Variants in C12orf54 observed in about 807,000 individuals in gnomAD.
C12orf54 encodes the protein chromosome 12 open reading frame 54.
Under a neutral mutation model 26.4 loss-of-function variants are expected in C12orf54, and 24 were observed. The observed-to-expected ratio is 0.91, with a 90% CI of 0.66 to 1.28. The LOEUF is 1.28. C12orf54 is among the 50% of genes most tolerant of loss of function. C12orf54 has a pLI of 0.00. For synonymous variants in C12orf54, 54 were observed against 47.0 expected (o/e 1.15, Z -0.61); for missense variants, 154 against 150.9 (o/e 1.02, Z -0.11).
the C12orf54 span, chr12:48,442,357 C>T: frequency 6.5e-6 from 1 of 153,066 alleles, no homozygotes; most frequent in Admixed American, 6.5e-5. Flanking sequence ...TGGAGCAGAG[C>T]AGGGTGGTAA....
chr12:48,434,771 T>C, the C12orf54 span, among the ~76,000 whole-genome samples: 5 of 152,062 alleles, frequency 3.3e-5, no homozygotes, highest in South Asian at 1.0e-3. Context: ...TTCGTCACCA[T>C]CATCAAAGAC....
the C12orf54 span, among the ~76,000 whole-genome samples, chr12:48,462,932 G>C: frequency 6.6e-6 from 1 of 151,728 alleles, no homozygotes; most frequent in Non-Finnish European, 1.5e-5. Flanking sequence ...AAGCCTTCCA[G>C]ACTGGAAAGG....
At chr12:48,445,019 A>G in the C12orf54 span, among the ~76,000 whole-genome samples, 1 of 152,088 alleles carries the variant, frequency 6.6e-6, no homozygotes, top group Non-Finnish European at 1.5e-5. Flanking sequence ...AAAAATACAA[A>G]AATTAGCCAG....
chr12:48,441,782 A>G, the C12orf54 span, among the ~76,000 whole-genome samples: 1 of 152,160 alleles, frequency 6.6e-6, no homozygotes, highest in African/African-American at 2.4e-5. Context: ...TCTGACTAGG[A>G]CTGAACTGGT....
the C12orf54 span, chr12:48,472,881 AG>A: frequency 1.2e-6 from 2 of 1,614,192 alleles, no homozygotes; most frequent in Non-Finnish European, 1.7e-6. Flanking sequence ...TGAACTAAGC[AG>A]TAACAGAGCC....
chr12:48,445,500 G>T, the C12orf54 span, among the ~76,000 whole-genome samples: 51 of 152,240 alleles, frequency 3.3e-4, no homozygotes, highest in African/African-American at 1.1e-3. Context: ...CTGGGAGAGG[G>T]TTCTTTTTGA....
chr12:48,427,128 G>A, the C12orf54 span, among the ~76,000 whole-genome samples: 11 of 152,130 alleles, frequency 7.2e-5, no homozygotes, highest in African/African-American at 2.4e-4. Context: ...AATAGGAGTG[G>A]TGAGAGAGGG....
At chr12:48,480,591 CT>C, upstream of C12orf54, among the ~76,000 whole-genome samples, 1 of 152,282 alleles carries the variant, frequency 6.6e-6, no homozygotes, top group Non-Finnish European at 1.5e-5. Context: ...CAGATGCTGG[CT>C]TATACACTGC....
the C12orf54 span, among the ~76,000 whole-genome samples, chr12:48,456,571 C>A: frequency 1.3e-5 from 2 of 152,170 alleles, no homozygotes; most frequent in East Asian, 3.8e-4. Context: ...CAACTCTGCT[C>A]CTCGCCTGCC....
At chr12:48,447,234 G>GTGTGTA in the C12orf54 span, among the ~76,000 whole-genome samples, 1 of 152,008 alleles carries the variant, frequency 6.6e-6, no homozygotes, top group South Asian at 2.1e-4. Context: ...GTGTGTGTGT[G>GTGTGTA]TGTGTGTGTG....
chr12:48,445,036 T>C, the C12orf54 span, among the ~76,000 whole-genome samples: 6 of 152,224 alleles, frequency 3.9e-5, no homozygotes, highest in African/African-American at 1.4e-4. Flanking sequence ...CCAGGCGTGG[T>C]GGCTTGGGCC....
chr12:48,460,717 T>A, the C12orf54 span, among the ~76,000 whole-genome samples: 8 of 152,232 alleles, frequency 5.3e-5, no homozygotes, highest in South Asian at 1.7e-3. Context: ...AAAGTCTACT[T>A]GAAGGTAGAC....
At chr12:48,463,441 C>G in the C12orf54 span, among the ~76,000 whole-genome samples, 2 of 151,800 alleles carry the variant, frequency 1.3e-5, no homozygotes. Context: ...AATAGCCTAC[C>G]AACTTTAAAA....
intron 5 of C12orf54, 91 bp downstream of exon 5, chr12:48,489,047 G>T: frequency 8.1e-7 from 1 of 1,233,244 alleles, no homozygotes; most frequent in South Asian, 1.2e-5. Context: ...TGTTGCCTCT[G>T]ACCAAGGTTT....
At chr12:48,418,021 A>G in the C12orf54 span, among the ~76,000 whole-genome samples, 20 of 152,096 alleles carry the variant, frequency 1.3e-4, 1 homozygote, top group East Asian at 3.9e-3. Context: ...TCTTTGCTAG[A>G]AAAAAAAATT....
chr12:48,491,193 T>G (rs1460899895), intron 6 of C12orf54, among the ~76,000 whole-genome samples: 1 of 152,230 alleles, frequency 6.6e-6, no homozygotes, highest in Non-Finnish European at 1.5e-5. Context: ...CCCACAGTTC[T>G]GGAGGCTGGG....
chr12:48,415,988 A>G, the C12orf54 span, among the ~76,000 whole-genome samples: 2 of 152,144 alleles, frequency 1.3e-5, no homozygotes, highest in Non-Finnish European at 2.9e-5. Flanking sequence ...CCAAGAGAAA[A>G]TCTAGACTTA....
At chr12:48,480,317 T>C (rs1954185949), upstream of C12orf54, among the ~76,000 whole-genome samples, 1 of 152,234 alleles carries the variant, frequency 6.6e-6, no homozygotes, top group African/African-American at 2.4e-5. Flanking sequence ...GTTTGGTTTT[T>C]TCTTGTTTAT....
chr12:48,471,171 C>A, the C12orf54 span, among the ~76,000 whole-genome samples: 1 of 151,934 alleles, frequency 6.6e-6, no homozygotes, highest in Admixed American at 6.6e-5. Context: ...ATTTTTAGAT[C>A]CCACAAATAA....
Sources: allele counts gnomAD v4.1 joint callset (sites outside exome capture counted in the v4.1 genomes callset), GRCh38; gene constraint gnomAD v4.1.1; transcripts MANE v1.5; gene names NCBI Gene and HGNC (gene_info 2026-07-23, HGNC 2026-07-21).